FBXL2: variants seen among roughly 807,000 people sequenced by gnomAD.
FBXL2 encodes F-box/LRR-repeat protein 2.
Under a neutral mutation model 69.2 loss-of-function variants are expected in FBXL2, and 38 were observed. The observed-to-expected ratio is 0.55, with a 90% CI of 0.42 to 0.72. The LOEUF (loss-of-function observed/expected upper bound fraction) is 0.72. Ranked by LOEUF, FBXL2 falls within the 30% of genes least tolerant of loss-of-function variation. The pLI is 0.00. For synonymous variants in FBXL2, 192 were observed against 201.3 expected (o/e 0.95, Z 0.39); for missense variants, 354 against 520.3 (o/e 0.68, Z 3.11).
chr3:33,374,000 C>A, intron 9 of FBXL2, 79 bp downstream of exon 9: 2 of 1,325,856 alleles, frequency 1.5e-6, no homozygotes, highest in South Asian at 2.3e-5. Context: ...TCCCTGCAGC[C>A]CCCTAGGCAC....
intron 12 of FBXL2, chr3:33,398,113 G>C (rs946937084): frequency 6.6e-6 from 1 of 152,192 alleles, no homozygotes; most frequent in African/African-American, 2.4e-5. Flanking sequence ...TTTAATGTCT[G>C]AATGTATCCA....
intron 5 of FBXL2, among the ~76,000 whole-genome samples, chr3:33,367,812 A>G (rs1250985001): frequency 6.6e-6 from 1 of 152,086 alleles, no homozygotes; most frequent in African/African-American, 2.4e-5. Flanking sequence ...AGCTGAAGTC[A>G]TTGGTTTGAG....
intron 1 of FBXL2, among the ~76,000 whole-genome samples, chr3:33,286,366 G>A (rs967082150): frequency 4.6e-5 from 7 of 152,282 alleles, no homozygotes; most frequent in East Asian, 1.9e-4. Context: ...ATTGCAGAAC[G>A]GCAAATGTTG....
At position 33,322,064 on chromosome 3, in the gene FBXL2, A is replaced by ATTTTT. The variant is rs34703817; in HGVS notation, c.65+24366_65+24370dup. ...CAAATGTACACGTGGTGACTAGGTG[A>ATTTTT]TTTTTTTTTTTTTTTTTTTTTTTTT... On this transcript the variant is annotated intron_variant, in intron 2 of 14. Coordinates refer to ENST00000484457, the MANE Select transcript of FBXL2 (RefSeq NM_012157.5). 5.9e-4 allele frequency among the ~76,000 whole-genome samples: 37 copies of ATTTTT among 62,480 alleles called. 4 individuals carry two copies. Among genetic ancestry groups the ATTTTT allele is most frequent in the African/African-American group, 2.4e-3 (31 of 13,148 alleles). The allele number at this position is 62,480 out of a possible 152,430, so 41.0% of individuals were successfully genotyped here.
chr3:33,405,319 T>A (rs561433300), downstream of FBXL2, among the ~76,000 whole-genome samples: 158 of 152,300 alleles, frequency 1.0e-3, no homozygotes, highest in African/African-American at 3.7e-3. Flanking sequence ...ATTTTTTGAA[T>A]GAACAATAGC....
At chr3:33,388,784 C>T (rs566511982), downstream of FBXL2, 4 of 152,266 alleles carry the variant, frequency 2.6e-5, no homozygotes, top group South Asian at 2.1e-4. Context: ...GAAAATAGAT[C>T]GTGCTTCTTT....
chr3:33,381,415 C>T (rs912427533), intron 13 of FBXL2, among the ~76,000 whole-genome samples: 1 of 152,220 alleles, frequency 6.6e-6, no homozygotes, highest in Non-Finnish European at 1.5e-5. Flanking sequence ...GAGGCCAAGG[C>T]GGGTGGATCA....
At chr3:33,298,960 G>A (rs1056810285) in intron 2 of FBXL2, among the ~76,000 whole-genome samples, 1 of 151,772 alleles carries the variant, frequency 6.6e-6, no homozygotes, top group Non-Finnish European at 1.5e-5. Context: ...TGTGCATGGC[G>A]ATGATACAAG....
intron 1 of FBXL2, among the ~76,000 whole-genome samples, chr3:33,295,145 AG>A (rs1474997300): frequency 6.6e-6 from 1 of 152,192 alleles, no homozygotes; most frequent in Non-Finnish European, 1.5e-5. Flanking sequence ...TCACTTAAAA[AG>A]TACACTTCAG....
upstream of FBXL2, chr3:33,277,438 T>C (rs1020536459): frequency 1.3e-5 from 16 of 1,249,706 alleles, no homozygotes; most frequent in Admixed American, 5.0e-4. Context: ...GGCGCCTGGC[T>C]GGCGTCACCA....
intron 12 of FBXL2, chr3:33,401,005 G>A: frequency 6.3e-7 from 1 of 1,592,976 alleles, no homozygotes; most frequent in Non-Finnish European, 8.5e-7. Context: ...ATGATTTGGG[G>A]AAGAAGAATT....
the FBXL2 span, among the ~76,000 whole-genome samples, chr3:33,420,806 A>G: frequency 6.6e-6 from 1 of 152,014 alleles, no homozygotes; most frequent in Non-Finnish European, 1.5e-5. Flanking sequence ...TATTTTTAGT[A>G]GAGATGGGGT....
chr3:33,369,785 G>C lies in FBXL2; in HGVS notation c.291-3307G>C, dbSNP rs375832479. On this transcript the variant is annotated intron_variant, in intron 5 of 14. Coordinates refer to ENST00000484457, the MANE Select transcript of FBXL2 (RefSeq NM_012157.5). The stretch of plus-strand genomic sequence containing the variant: ...GTACCACCCCGCCCGGCTAATTTTT[G>C]TACTTTTAGTAGAGACAGAGTTTTG... Among the ~76,000 whole-genome samples the C allele has an allele frequency of 7.2e-5, 11 of 151,934 alleles. No homozygotes were observed. In the East Asian group the frequency reaches 1.8e-3, roughly 24 times the overall value.
the FBXL2 span, among the ~76,000 whole-genome samples, chr3:33,418,322 C>A: frequency 6.6e-6 from 1 of 152,008 alleles, no homozygotes; most frequent in Admixed American, 6.6e-5. Flanking sequence ...GGCGCAATCT[C>A]GGCTCACTGC....
chr3:33,411,732 A>G, the FBXL2 span: 1 of 1,457,176 alleles, frequency 6.9e-7, no homozygotes, highest in South Asian at 1.1e-5. Flanking sequence ...ACTTTAAATA[A>G]CTTAAAAAAC....
chr3:33,371,092 A>G (rs2154047260), intron 5 of FBXL2, among the ~76,000 whole-genome samples: 1 of 150,728 alleles, frequency 6.6e-6, no homozygotes, highest in East Asian at 1.9e-4. Flanking sequence ...AAGTTCACTA[A>G]TCTTTTCTTC....
intron 1 of FBXL2, among the ~76,000 whole-genome samples, chr3:33,281,146 C>T (rs1193149600): frequency 6.6e-6 from 1 of 152,030 alleles, no homozygotes; most frequent in African/African-American, 2.4e-5. Flanking sequence ...GTGTGCTGTA[C>T]CCGTTGTCAT....
intron 2 of FBXL2, among the ~76,000 whole-genome samples, chr3:33,348,202 A>G (rs1035969227): frequency 5.3e-5 from 8 of 152,120 alleles, no homozygotes; most frequent in African/African-American, 1.9e-4. Flanking sequence ...ATTTTTGTAT[A>G]TGGTGAGAGA....
the FBXL2 span, among the ~76,000 whole-genome samples, chr3:33,419,556 A>T: frequency 6.8e-6 from 1 of 146,600 alleles, no homozygotes; most frequent in African/African-American, 2.5e-5. Flanking sequence ...TGAACCTGTG[A>T]GGCGGAGGTT....
Sources: allele counts gnomAD v4.1 joint callset (sites outside exome capture counted in the v4.1 genomes callset), GRCh38; gene constraint gnomAD v4.1.1; transcripts MANE v1.5; gene names NCBI Gene and HGNC (gene_info 2026-07-23, HGNC 2026-07-21).